Variants in IL21R observed in about 807,000 individuals in gnomAD.
IL21R encodes interleukin-21 receptor.
A neutral mutation model predicts 41.3 loss-of-function variants in IL21R; 14 were observed. The observed-to-expected ratio is 0.34, with a 90% CI of 0.22 to 0.53. The LOEUF is 0.53. IL21R is among the 20% of genes least tolerant of loss of function. The pLI is 0.94. For missense variants in IL21R, 588 were observed against 681.6 expected (o/e 0.86, Z 1.53); for synonymous variants, 286 against 287.6 (o/e 0.99, Z 0.05).
At chr16:27,409,252 AT>A (rs1334265711) in intron 1 of IL21R, among the ~76,000 whole-genome samples, 4 of 147,038 alleles carry the variant, frequency 2.7e-5, no homozygotes, top group South Asian at 2.1e-4. Context: ...ATAAATAAAT[AT>A]TTTTATATTT....
At chr16:27,403,782 C>T (rs542399370) in intron 1 of IL21R, among the ~76,000 whole-genome samples, 3 of 152,182 alleles carry the variant, frequency 2.0e-5, no homozygotes, top group African/African-American at 7.2e-5. Flanking sequence ...GAGCGACACA[C>T]TCAGGCTGCT....
chr16:27,449,292 A>C lies in IL21R; in HGVS notation c.*9A>C. 6.3e-7 allele frequency: 1 copy of C among 1,582,040 alleles called. No individual in the cohort carries two copies. The highest frequency in any genetic ancestry group is 8.6e-7 in the Non-Finnish European group (1 of 1,164,594). On this transcript the variant is annotated 3_prime_UTR_variant, in exon 9 of 9. Transcript: ENST00000337929. ...GACCCCAGGCCAGCTAATGAGGCTG[A>C]CTGGATGTCCAGAGCTGGCCAGGCC...
chr16:27,418,935 C>T (rs564881047), intron 1 of IL21R, among the ~76,000 whole-genome samples: 47 of 150,988 alleles, frequency 3.1e-4, no homozygotes, highest in African/African-American at 1.1e-3. Flanking sequence ...CTAAGACACG[C>T]GGGGCATGGT....
At position 27,402,222 on chromosome 16, in the gene IL21R, C is replaced by G. The variant is rs1292589470; in HGVS notation, c.-413C>G. On this transcript the variant is annotated 5_prime_UTR_variant, in exon 1 of 9. Coordinates refer to ENST00000337929, the MANE Select transcript of IL21R (RefSeq NM_181078.3). The stretch of plus-strand genomic sequence containing the variant: ...CAGCCAGCGGCCTCAGACAGACCCA[C>G]TGGCGTCTCTCTGCTGAGTGACCGT... 6.6e-6 allele frequency: 1 copy of G among 152,370 alleles called. No individual in the cohort carries two copies. Among genetic ancestry groups the G allele is most frequent in the African/African-American group, 2.4e-5 (1 of 41,470 alleles). The allele number at this position is 152,370 out of a possible 1,614,324, so 9.4% of individuals were successfully genotyped here. A position where few individuals can be genotyped will look rare whatever the true frequency, so the allele number is the denominator to read the frequency against.
chr16:27,442,339 ATTCACTTTTAACTC>A (rs2087403442), intron 4 of IL21R, among the ~76,000 whole-genome samples: 1 of 152,052 alleles, frequency 6.6e-6, no homozygotes, highest in Non-Finnish European at 1.5e-5. Flanking sequence ...TGCTGGGGCC[ATTCACTTTTAACTC>A]TTTTATTTAT....
chr16:27,434,456 A>G lies in IL21R; in HGVS notation c.152+7A>G. 2 of 1,589,764 alleles carry G rather than the reference A, an allele frequency of 1.3e-6. No individual in the cohort carries two copies. The highest frequency in any genetic ancestry group is 1.7e-6 in the Non-Finnish European group (2 of 1,158,426). Reference sequence around the variant, plus strand: ...GCACGCTCACCCTTACCTGGTAAGTAGCCGGGCCTCACCAGTCCCCGGGGA... The same window carrying G: ...GCACGCTCACCCTTACCTGGTAAGTGGCCGGGCCTCACCAGTCCCCGGGGA... On this transcript the variant is annotated splice_region_variant and intron_variant, in intron 3 of 8. Coordinates refer to ENST00000337929, the MANE Select transcript of IL21R (RefSeq NM_181078.3).
chr16:27,449,502 CGTGT>C lies in IL21R; in HGVS notation c.*227_*230del. 1 of 580,208 alleles carries C rather than the reference CGTGT, an allele frequency of 1.7e-6. No homozygotes were observed. Among genetic ancestry groups the C allele is most frequent in the Non-Finnish European group, 3.0e-6 (1 of 330,938 alleles). 35.9% of individuals were successfully genotyped at this position (580,208 alleles called of 1,614,324 possible). A position where few individuals can be genotyped will look rare whatever the true frequency, so the allele number is the denominator to read the frequency against. On this transcript the variant is annotated 3_prime_UTR_variant, in exon 9 of 9. Coordinates refer to ENST00000337929, the MANE Select transcript of IL21R (RefSeq NM_181078.3). Reference sequence around the variant, plus strand: ...TCTTAGGTGCGCAGTGGCATGTCCACGTGTGTGTGTGATTGCACGTGCCTGTGGG... The same window carrying C: ...TCTTAGGTGCGCAGTGGCATGTCCACGTGTGTGATTGCACGTGCCTGTGGG...
chr16:27,443,173 G>A, intron 5 of IL21R, 57 bp downstream of exon 5: 1 of 1,474,322 alleles, frequency 6.8e-7, no homozygotes, highest in Non-Finnish European at 9.2e-7. Flanking sequence ...ATGACGGAGT[G>A]CAAAGGCATC....
At chr16:27,427,290 G>A (rs72784343) in intron 1 of IL21R, 467 of 985,632 alleles carry the variant, frequency 4.7e-4, no homozygotes, top group Non-Finnish European at 5.4e-4. Flanking sequence ...AGCTCTTTGG[G>A]AAGAGACGCC....
At chr16:27,427,399 CTGTT>C (rs1187470219) in intron 1 of IL21R, 12 of 889,476 alleles carry the variant, frequency 1.3e-5, no homozygotes, top group African/African-American at 1.8e-5. Context: ...TTTTGTTTGT[CTGTT>C]TGTTTTTTTA....
chr16:27,422,559 T>C (rs1290874390), intron 1 of IL21R, among the ~76,000 whole-genome samples: 1 of 152,206 alleles, frequency 6.6e-6, no homozygotes, highest in South Asian at 2.1e-4. Context: ...GTTACTAGTA[T>C]GTTGCCAAAT....
intron 4 of IL21R, among the ~76,000 whole-genome samples, chr16:27,442,489 G>A (rs919516827): frequency 1.3e-5 from 2 of 152,076 alleles, no homozygotes; most frequent in African/African-American, 2.4e-5. Context: ...TCAGCCTCCC[G>A]AGTAGATGGG....
chr16:27,437,103 G>A (rs1157414030), intron 3 of IL21R, among the ~76,000 whole-genome samples: 4 of 152,134 alleles, frequency 2.6e-5, no homozygotes, highest in Non-Finnish European at 5.9e-5. Flanking sequence ...AGAAAGGAGA[G>A]AAGGAAACCC....
chr16:27,409,402 T>G (rs992397023), intron 1 of IL21R, among the ~76,000 whole-genome samples: 6 of 151,832 alleles, frequency 4.0e-5, no homozygotes, highest in Non-Finnish European at 5.9e-5. Flanking sequence ...TCTTTCTTTA[T>G]GACCAGAACT....
intron 1 of IL21R, among the ~76,000 whole-genome samples, chr16:27,407,316 T>C (rs1399246680): frequency 2.0e-5 from 3 of 152,140 alleles, no homozygotes; most frequent in African/African-American, 7.2e-5. Context: ...CGATTCCTCA[T>C]CTTACACCTG....
intron 1 of IL21R, among the ~76,000 whole-genome samples, chr16:27,419,965 T>A (rs2086973326): frequency 1.3e-5 from 2 of 151,516 alleles, no homozygotes. Context: ...CTCGGCTCAC[T>A]GCTACCTCTG....
intron 1 of IL21R, among the ~76,000 whole-genome samples, chr16:27,420,821 A>G (rs1228714491): frequency 6.6e-6 from 1 of 152,174 alleles, no homozygotes. Flanking sequence ...ATACAGTTTA[A>G]TAGATCTATT....
chr16:27,438,414 T>C (rs1024358753), intron 4 of IL21R, among the ~76,000 whole-genome samples: 3 of 152,062 alleles, frequency 2.0e-5, no homozygotes, highest in African/African-American at 2.4e-5. Flanking sequence ...GGGAGCAGTT[T>C]TATCTGTGAG....
At position 27,452,008 on chromosome 16, in the gene IL21R, C is replaced by T. The variant is rs549493863; in HGVS notation, c.*2725C>T. ...CACTGCCTTTAGTCCCAGCCTGGCA[C>T]ATAGTAGGCACTCAATAAAGCCTGA... On this transcript the variant is annotated 3_prime_UTR_variant, in exon 9 of 9. Transcript: ENST00000337929. 5 of 225,138 alleles carry T rather than the reference C, an allele frequency of 2.2e-5. No homozygotes were observed. Among genetic ancestry groups the T allele is most frequent in the African/African-American group, 4.5e-5 (2 of 44,936 alleles). 13.9% of individuals were successfully genotyped at this position (225,138 alleles called of 1,614,324 possible). A position where few individuals can be genotyped will look rare whatever the true frequency, so the allele number is the denominator to read the frequency against.
Sources: allele counts gnomAD v4.1 joint callset (sites outside exome capture counted in the v4.1 genomes callset), GRCh38; gene constraint gnomAD v4.1.1; transcripts MANE v1.5; gene names NCBI Gene and HGNC (gene_info 2026-07-23, HGNC 2026-07-21).